MLLT3: variants seen among roughly 807,000 people sequenced by gnomAD.
MLLT3 encodes protein AF-9.
In MLLT3, 4 loss-of-function variants were observed where a neutral mutation model predicts 53.2. The ratio of observed to expected loss-of-function variants is 0.08; its 90% CI spans 0.04 to 0.17. The LOEUF is 0.17. Ranked by LOEUF, MLLT3 falls within the 10% of genes least tolerant of loss-of-function variation. The pLI is 1.00. For missense variants in MLLT3, 569 were observed against 684.0 expected (o/e 0.83, Z 1.87); for synonymous variants, 283 against 230.6 (o/e 1.23, Z -2.06).
rs1820753079 is a variant in MLLT3, at chr9:20,342,246, C to G, written c.*4197G>C. The stretch of plus-strand genomic sequence containing the variant: ...ATGAGTTTAAGTAAAACACCTATTT[C>G]TATCAATCTGTACTTACATTTCAAC... On this transcript the variant is annotated 3_prime_UTR_variant, in exon 11 of 11. Transcript: ENST00000380338. 7 of 221,956 alleles carry G rather than the reference C, an allele frequency of 3.2e-5. No individual in the cohort carries two copies. In the East Asian group the frequency reaches 4.6e-4, roughly 15 times the overall value. 13.7% of individuals were successfully genotyped at this position (221,956 alleles called of 1,614,324 possible).
intron 4 of MLLT3, among the ~76,000 whole-genome samples, chr9:20,417,673 C>A (rs1822904603): frequency 6.6e-6 from 1 of 152,098 alleles, no homozygotes; most frequent in Non-Finnish European, 1.5e-5. Flanking sequence ...TTTGCACTAA[C>A]TTTACAACCT....
intron 5 of MLLT3, among the ~76,000 whole-genome samples, chr9:20,396,394 C>T (rs1822322337): frequency 6.6e-6 from 1 of 152,060 alleles, no homozygotes; most frequent in Non-Finnish European, 1.5e-5. Context: ...ATTTTGTGAG[C>T]TATTATTCAC....
At chr9:20,528,248 G>C (rs534733316) in intron 2 of MLLT3, among the ~76,000 whole-genome samples, 2 of 152,190 alleles carry the variant, frequency 1.3e-5, no homozygotes, top group Non-Finnish European at 2.9e-5. Context: ...ATCCATGTGT[G>C]TGTTCACACA....
chr9:20,479,089 A>G (rs1824598798), intron 2 of MLLT3, among the ~76,000 whole-genome samples: 2 of 152,216 alleles, frequency 1.3e-5, no homozygotes, highest in South Asian at 4.1e-4. Flanking sequence ...GATTCCCAAC[A>G]TGATGAATCT....
intron 2 of MLLT3, among the ~76,000 whole-genome samples, chr9:20,491,658 A>T (rs1330434906): frequency 6.6e-6 from 1 of 152,148 alleles, no homozygotes; most frequent in Non-Finnish European, 1.5e-5. Flanking sequence ...CTCAAGTGAG[A>T]AATCAACAAC....
chr9:20,350,853 T>C (rs970649406), intron 10 of MLLT3, among the ~76,000 whole-genome samples: 1 of 152,200 alleles, frequency 6.6e-6, no homozygotes, highest in Admixed American at 6.5e-5. Context: ...GGTAAATGCA[T>C]TGATTTTGGT....
chr9:20,424,116 A>C (rs1031232176), intron 4 of MLLT3, among the ~76,000 whole-genome samples: 8 of 152,106 alleles, frequency 5.3e-5, no homozygotes, highest in African/African-American at 1.7e-4. Flanking sequence ...TGTACAAGGG[A>C]TTTGAGGATT....
chr9:20,517,112 C>T (rs981775419), intron 2 of MLLT3, among the ~76,000 whole-genome samples: 2 of 152,126 alleles, frequency 1.3e-5, no homozygotes, highest in South Asian at 2.1e-4. Context: ...TTTCAGACTT[C>T]AAGGAGCTCT....
In MLLT3 at chr9:20,545,870, A is replaced by AT. The variant is rs1426374014; in HGVS notation, c.193+74783_193+74784insA. 2.0e-5 allele frequency among the ~76,000 whole-genome samples: 3 copies of AT among 151,438 alleles called. No individual in the cohort carries two copies. In the East Asian group the frequency reaches 5.9e-4, roughly 30 times the overall value. On this transcript the variant is annotated intron_variant, in intron 2 of 10. Coordinates refer to ENST00000380338, the MANE Select transcript of MLLT3 (RefSeq NM_004529.4). ...CCAGTCTCTACCAAAAAAAAAAAAAAAAAAAAAATTAAAAATTAGCATCTC... is the reference window on the plus strand; with the variant it reads ...CCAGTCTCTACCAAAAAAAAAAAAAATAAAAAAAATTAAAAATTAGCATCTC...
intron 2 of MLLT3, among the ~76,000 whole-genome samples, chr9:20,470,631 C>G (rs986861991): frequency 3.9e-5 from 6 of 151,910 alleles, no homozygotes; most frequent in Non-Finnish European, 7.4e-5. Flanking sequence ...CTGTTTTCAT[C>G]AAGAAATGCT....
At chr9:20,494,666 A>G (rs751792518) in intron 2 of MLLT3, among the ~76,000 whole-genome samples, 6 of 152,128 alleles carry the variant, frequency 3.9e-5, no homozygotes, top group Non-Finnish European at 7.4e-5. Context: ...GGTGACAGCT[A>G]AAAAGTCTTT....
At chr9:20,605,701 T>C (rs1362326582) in intron 2 of MLLT3, among the ~76,000 whole-genome samples, 1 of 152,070 alleles carries the variant, frequency 6.6e-6, no homozygotes, top group African/African-American at 2.4e-5. Context: ...AGAACAATTT[T>C]AGTCAGATTT....
chr9:20,544,343 A>T (rs1045825662), intron 2 of MLLT3, among the ~76,000 whole-genome samples: 2 of 152,220 alleles, frequency 1.3e-5, no homozygotes, highest in African/African-American at 4.8e-5. Context: ...ACTTCCATGC[A>T]GGAAAAAAAA....
At chr9:20,573,619 A>G (rs1563824665) in intron 2 of MLLT3, among the ~76,000 whole-genome samples, 1 of 152,234 alleles carries the variant, frequency 6.6e-6, no homozygotes, top group Non-Finnish European at 1.5e-5. Context: ...AATAAGTTAA[A>G]AGATGTCTGA....
chr9:20,577,455 T>C (rs1056702063), intron 2 of MLLT3, among the ~76,000 whole-genome samples: 2 of 152,198 alleles, frequency 1.3e-5, no homozygotes, highest in East Asian at 3.8e-4. Flanking sequence ...AACTTTCATT[T>C]CACAGCGCCT....
intron 2 of MLLT3, among the ~76,000 whole-genome samples, chr9:20,585,062 T>G (rs555618464): frequency 1.3e-5 from 2 of 152,358 alleles, no homozygotes; most frequent in East Asian, 3.9e-4. Context: ...TGCATTAATC[T>G]GTTCAGGTTG....
At chr9:20,531,138 CT>C (rs34485185) in intron 2 of MLLT3, among the ~76,000 whole-genome samples, 59,705 of 118,056 alleles carry the variant, frequency 0.51, 13,123 homozygotes, top group East Asian at 0.6. Flanking sequence ...TATTCAGTTG[CT>C]TTTTTTTTTT....
chr9:20,551,417 C>A (rs192298809), intron 2 of MLLT3, among the ~76,000 whole-genome samples: 1 of 152,298 alleles, frequency 6.6e-6, no homozygotes, highest in Admixed American at 6.5e-5. Flanking sequence ...TCCCAACTTC[C>A]TTTTGGTAAA....
intron 4 of MLLT3, among the ~76,000 whole-genome samples, chr9:20,431,416 A>T (rs1425282045): frequency 1.3e-5 from 2 of 152,142 alleles, no homozygotes; most frequent in Non-Finnish European, 2.9e-5. Flanking sequence ...GTATTATTCA[A>T]ACAGAACTGG....
Sources: gnomAD v4.1 joint callset for allele counts (sites outside exome capture counted in the v4.1 genomes callset) on GRCh38, gnomAD v4.1.1 for gene constraint, MANE v1.5 for transcripts, NCBI Gene and HGNC (gene_info 2026-07-23, HGNC 2026-07-21) for gene names.